Variants in TECTA observed in about 807,000 individuals in gnomAD.
The protein encoded by TECTA is tectorin alpha.
In TECTA, 128 loss-of-function variants were observed where a neutral mutation model predicts 216.8. The ratio of observed to expected loss-of-function variants is 0.59; its 90% CI spans 0.51 to 0.68. The LOEUF is 0.68. Ranked by LOEUF, TECTA falls within the 30% of genes least tolerant of loss-of-function variation. The probability of loss-of-function intolerance (pLI) is 0.00; values close to 1 mark genes in which losing one functional copy is unlikely to be tolerated. For missense variants in TECTA, 2,551 were observed against 2,786.2 expected, an observed-to-expected ratio of 0.92 and a Z score of 1.90; for synonymous variants, 1,089 against 1,117.1, an observed-to-expected ratio of 0.97 and a Z score of 0.50.
Position 121,190,892 on chromosome 11 carries a change from C to A in TECTA, c.*86C>A. The A allele has an allele frequency of 9.3e-7, 1 of 1,075,254 alleles. No individual in the cohort carries two copies. Among genetic ancestry groups the A allele is most frequent in the Non-Finnish European group, 1.4e-6 (1 of 726,590 alleles). 66.6% of individuals were successfully genotyped at this position (1,075,254 alleles called of 1,614,324 possible). A position where few individuals can be genotyped will look rare whatever the true frequency, so the allele number is the denominator to read the frequency against. Reference sequence around the variant, plus strand: ...AAAAGTGTGTGCCCTTAAGTCAAAACCTATTTGAAAGTGTCCAGCATCTCA... The same window carrying A: ...AAAAGTGTGTGCCCTTAAGTCAAAAACTATTTGAAAGTGTCCAGCATCTCA... On this transcript the variant is annotated 3_prime_UTR_variant, in exon 24 of 24. Transcript: ENST00000392793.
At chr11:121,144,320 A>T (rs1946813754) in intron 11 of TECTA, among the ~76,000 whole-genome samples, 1 of 152,116 alleles carries the variant, frequency 6.6e-6, no homozygotes, top group South Asian at 2.1e-4. Context: ...GGCGGTAGTG[A>T]CTGAATGGAG....
At chr11:121,141,038 A>G (rs1946779656) in intron 11 of TECTA, 1 of 152,172 alleles carries the variant, frequency 6.6e-6, no homozygotes, top group South Asian at 2.1e-4. Flanking sequence ...ACTCCTTGCT[A>G]GGGCACTTCT....
At chr11:121,180,813 C>CTTTTTTTTTTTTTTTTTTTTTTCTTT (rs34807486) in intron 20 of TECTA, among the ~76,000 whole-genome samples, 2 of 119,990 alleles carry the variant, frequency 1.7e-5, no homozygotes, top group Non-Finnish European at 3.4e-5. Flanking sequence ...TTTCTTATTC[C>CTTTTTTTTTTTTTTTTTTTTTTCTTT]TTTTTTTTTT....
intron 7 of TECTA, among the ~76,000 whole-genome samples, chr11:121,119,830 G>A (rs1331840160): frequency 6.6e-6 from 1 of 152,242 alleles, no homozygotes; most frequent in East Asian, 1.9e-4. Context: ...GTCTCATTAT[G>A]AGGAAAGTGA....
intron 7 of TECTA, among the ~76,000 whole-genome samples, chr11:121,120,896 TC>T (rs1946551757): frequency 6.6e-6 from 1 of 152,190 alleles, no homozygotes; most frequent in Non-Finnish European, 1.5e-5. Flanking sequence ...CTGTTCAAAT[TC>T]CTATGCCACC....
chr11:121,146,999 C>T (rs905710652), intron 12 of TECTA, among the ~76,000 whole-genome samples: 3 of 152,122 alleles, frequency 2.0e-5, no homozygotes, highest in Non-Finnish European at 2.9e-5. Context: ...AGCCCAGGCT[C>T]CCAACCCATA....
chr11:121,127,822 C>T lies in TECTA; in HGVS notation c.1845C>T (p.Ser615=), dbSNP rs754262015. ...VCTSSCPDTC[S]DLTASRNCAT... Reference sequence around the variant, plus strand: ...CAAGCAGCTGCCCCGACACATGCTCCGACCTGACGGCCTCGCGGAACTGCG... The same window carrying T: ...CAAGCAGCTGCCCCGACACATGCTCTGACCTGACGGCCTCGCGGAACTGCG... Residue 615 remains serine (S), a synonymous_variant, in exon 9 of 24, where the codon TCC becomes TCT. Coordinates refer to ENST00000392793, the MANE Select transcript of TECTA (RefSeq NM_005422.4). The surrounding 1 kb of genome is among the most constrained non-coding windows in gnomAD (Gnocchi z 5.0). The T allele has an allele frequency of 5.0e-6, 8 of 1,614,080 alleles. No individual in the cohort carries two copies. The Admixed American group carries it at 5.0e-5, about 10-fold the overall frequency.
intron 20 of TECTA, among the ~76,000 whole-genome samples, chr11:121,176,303 C>G (rs1022746722): frequency 2.6e-5 from 4 of 151,016 alleles, no homozygotes; most frequent in African/African-American, 4.9e-5. Context: ...TACAATTTGG[C>G]ATGTTTTTGC....
At chr11:121,155,530 G>A (rs1946932574) in intron 13 of TECTA, among the ~76,000 whole-genome samples, 1 of 152,162 alleles carries the variant, frequency 6.6e-6, no homozygotes, top group Non-Finnish European at 1.5e-5. Context: ...ATCTTGAAGT[G>A]CACTGCAATC....
chr11:121,164,505 C>G (rs754850111), intron 16 of TECTA, among the ~76,000 whole-genome samples: 1 of 152,018 alleles, frequency 6.6e-6, no homozygotes, highest in Non-Finnish European at 1.5e-5. Context: ...GTTCTCAGAC[C>G]GAGGCGTTGA....
chr11:121,129,944 C>A lies in TECTA; in HGVS notation c.2674C>A (p.Leu892Met), dbSNP rs748088048. 1.1e-5 allele frequency: 18 copies of A among 1,608,474 alleles called. No homozygotes were observed. The highest frequency in any genetic ancestry group is 1.7e-4 in the Middle Eastern group (1 of 6,058). ...EEICNGECGD[L>M]LKACNNDSEL... ...GATCTGCAATGGAGAGTGTGGGGAC[C>A]TGCTGAAGGCCTGCAACAATGACTC... Residue 892 changes from leucine (L) to methionine (M), a missense_variant, in exon 10 of 24, where the codon CTG (leucine) becomes ATG (methionine). Leu to Met is a conservative substitution (Grantham distance 15, BLOSUM62 2). Coordinates refer to ENST00000392793, the MANE Select transcript of TECTA (RefSeq NM_005422.4).
chr11:121,161,271 A>C (rs1034145076), intron 15 of TECTA, among the ~76,000 whole-genome samples: 2 of 152,112 alleles, frequency 1.3e-5, no homozygotes, highest in Non-Finnish European at 2.9e-5. Flanking sequence ...TCCTAGGTAA[A>C]ACAGAGACTA....
Position 121,129,874 on chromosome 11 carries a change from G to A in TECTA, c.2604G>A (p.Thr868=), listed in dbSNP as rs139509847. The change falls in exon 10 of 24, where the codon ACG becomes ACA. Residue 868 remains threonine, a synonymous_variant. Coordinates refer to ENST00000392793, the MANE Select transcript of TECTA (RefSeq NM_005422.4). The part of the protein sequence containing the change: ...DEFCLPNGKC[T]DNLAVFLESW... ...TCTGTCTCCCCAACGGCAAGTGCAC[G>A]GACAACCTGGCAGTGTTCCTGGAAA... 1.4e-5 allele frequency: 23 copies of A among 1,614,082 alleles called. No homozygotes were observed. The East Asian group carries it at 2.4e-4, about 17-fold the overall frequency.
intron 13 of TECTA, among the ~76,000 whole-genome samples, chr11:121,154,860 T>C (rs1202606422): frequency 6.6e-6 from 1 of 152,230 alleles, no homozygotes; most frequent in Admixed American, 6.5e-5. Context: ...TGTTATTCTC[T>C]TGAGAAACAT....
chr11:121,187,857 A>G lies in TECTA; in HGVS notation c.6025A>G (p.Ile2009Val), dbSNP rs529983672. The G allele has an allele frequency of 6.2e-7, 1 of 1,614,258 alleles. No homozygotes were observed. Among genetic ancestry groups the G allele is most frequent in the African/African-American group, 1.3e-5 (1 of 75,064 alleles). The change falls in exon 21 of 24, where the codon ATT becomes GTT. Residue 2009 changes from isoleucine (I) to valine (V), a missense_variant. Ile to Val is a conservative substitution (Grantham distance 29). Coordinates refer to ENST00000392793, the MANE Select transcript of TECTA (RefSeq NM_005422.4). ...GTGTCAGAACCTCAAAGATAACACC[A>G]TTGGCATCGAGGAGAATGCAGTCTC... is the stretch of plus-strand genomic sequence containing the variant. Reference protein sequence around the residue: ...GGCQNLKDNTIGIEENAVSLT... With the variant: ...GGCQNLKDNTVGIEENAVSLT...
intron 6 of TECTA, among the ~76,000 whole-genome samples, chr11:121,114,375 C>G (rs1003004162): frequency 1.4e-4 from 21 of 152,166 alleles, no homozygotes; most frequent in African/African-American, 5.1e-4. Context: ...TCTGAACTAT[C>G]GAACCCCTTT....
At chr11:121,132,357 C>T (rs893555564) in intron 10 of TECTA, among the ~76,000 whole-genome samples, 1 of 152,210 alleles carries the variant, frequency 6.6e-6, no homozygotes, top group African/African-American at 2.4e-5. Context: ...TTGACATTTG[C>T]TTCATCATTC....
At chr11:121,152,746 G>C (rs1452765315) in intron 12 of TECTA, 135 bp from the exon 13 acceptor site, 1 of 876,152 alleles carries the variant, frequency 1.1e-6, no homozygotes, top group South Asian at 1.7e-5. Flanking sequence ...CAGTAATGAA[G>C]AAAGGCGGCA....
chr11:121,153,988 A>T (rs998784059), intron 13 of TECTA, among the ~76,000 whole-genome samples: 3 of 152,162 alleles, frequency 2.0e-5, no homozygotes, highest in African/African-American at 7.2e-5. Context: ...ATTGTGGGGG[A>T]TGAGAAAGCA....
Sources: allele counts gnomAD v4.1 joint callset (sites outside exome capture counted in the v4.1 genomes callset), GRCh38; gene constraint gnomAD v4.1.1; non-coding constraint Gnocchi (gnomAD v3.1); transcripts MANE v1.5; gene names NCBI Gene and HGNC (gene_info 2026-07-23, HGNC 2026-07-21).